Variants in WASF3 observed in about 807,000 individuals in gnomAD.
The protein encoded by WASF3 is actin-binding protein WASF3.
A neutral mutation model predicts 46.6 loss-of-function variants in WASF3; 11 were observed. That is an observed-to-expected ratio of 0.24 (90% CI 0.15 to 0.39). The LOEUF (loss-of-function observed/expected upper bound fraction) is 0.39. WASF3 is among the 10% of genes least tolerant of loss of function. The probability of loss-of-function intolerance (pLI) is 1.00; values close to 1 mark genes in which losing one functional copy is unlikely to be tolerated. For missense variants in WASF3, 576 were observed against 669.8 expected, an observed-to-expected ratio of 0.86 and a Z score of 1.55; for synonymous variants, 242 against 259.7, an observed-to-expected ratio of 0.93 and a Z score of 0.65.
intron 1 of WASF3, among the ~76,000 whole-genome samples, chr13:26,603,968 A>G (rs572420048): frequency 1.3e-5 from 2 of 152,206 alleles, no homozygotes; most frequent in African/African-American, 4.8e-5. Context: ...TGATACTCCT[A>G]GTGAGTTCTG....
At chr13:26,571,106 A>G (rs1035742008) in intron 1 of WASF3, among the ~76,000 whole-genome samples, 9 of 151,974 alleles carry the variant, frequency 5.9e-5, no homozygotes, top group East Asian at 3.8e-4. Context: ...AGAATTGTCT[A>G]TTGCCCTTTT....
upstream of WASF3, among the ~76,000 whole-genome samples, chr13:26,554,045 TTCC>T (rs1566032362): frequency 4.8e-3 from 239 of 49,348 alleles, 13 homozygotes; most frequent in African/African-American, 0.012. Context: ...CTTTCTTTCC[TTCC>T]TTCCTTCCTT....
At chr13:26,683,245 T>C (rs2650692) in intron 9 of WASF3, among the ~76,000 whole-genome samples, 1 of 151,864 alleles carries the variant, frequency 6.6e-6, no homozygotes, top group Non-Finnish European at 1.5e-5. Context: ...GCCAAGGCAG[T>C]TGGATTGCTT....
intron 2 of WASF3, among the ~76,000 whole-genome samples, chr13:26,635,117 G>C (rs1881778489): frequency 6.6e-6 from 1 of 152,158 alleles, no homozygotes; most frequent in South Asian, 2.1e-4. Context: ...GTTACTTTCA[G>C]GTACACCAGT....
chr13:26,546,055 G>C, the WASF3 span, among the ~76,000 whole-genome samples: 1 of 151,954 alleles, frequency 6.6e-6, no homozygotes, highest in South Asian at 2.1e-4. Flanking sequence ...TCACTCTTTT[G>C]CTTCTTTTCT....
In WASF3 at chr13:26,682,481, C is replaced by A; in HGVS notation, c.984-126C>A. On this transcript the variant is annotated intron_variant, in intron 8 of 9. Transcript: ENST00000335327. This position sits in a 1 kb window ranked among gnomAD's most constrained non-coding sequence, Gnocchi z 4.4. ...CCAAGGTGTGCATGTTTGCATCCTG[C>A]CATGATTGAAGTTCAGGTGACAATA... is the stretch of plus-strand genomic sequence containing the variant. 1.8e-6 allele frequency: 2 copies of A among 1,116,478 alleles called. No individual in the cohort carries two copies. Among genetic ancestry groups the A allele is most frequent in the South Asian group, 1.4e-5 (1 of 73,460 alleles). The allele number at this position is 1,116,478 out of a possible 1,614,324, so 69.2% of individuals were successfully genotyped here.
intron 1 of WASF3, among the ~76,000 whole-genome samples, chr13:26,563,792 T>C (rs1285226953): frequency 7.1e-6 from 1 of 141,082 alleles, no homozygotes; most frequent in African/African-American, 2.8e-5. Context: ...CTCTTCTGAC[T>C]TTTTTTTTTT....
chr13:26,672,686 G>C (rs1307361551), intron 6 of WASF3, among the ~76,000 whole-genome samples: 1 of 152,172 alleles, frequency 6.6e-6, no homozygotes, highest in Admixed American at 6.5e-5. Flanking sequence ...TATGTCAGCT[G>C]TATTTAAAAA....
intron 2 of WASF3, among the ~76,000 whole-genome samples, chr13:26,641,603 C>A (rs1881998898): frequency 6.6e-6 from 1 of 152,008 alleles, no homozygotes; most frequent in Non-Finnish European, 1.5e-5. Flanking sequence ...TGTGAGAAAA[C>A]AGGAATTAGG....
chr13:26,620,966 A>G (rs967727278), intron 2 of WASF3, among the ~76,000 whole-genome samples: 4 of 152,204 alleles, frequency 2.6e-5, no homozygotes, highest in Non-Finnish European at 5.9e-5. Flanking sequence ...GCTGTATAGC[A>G]AAAGCTAAGT....
chr13:26,680,323 G>A, intron 7 of WASF3: 2 of 1,198,504 alleles, frequency 1.7e-6, no homozygotes, highest in Non-Finnish European at 2.2e-6. Flanking sequence ...GCGTGTGACT[G>A]TCTTACTAAC....
Position 26,686,198 on chromosome 13 carries a change from TGGTGTTA to T in WASF3, c.*357_*363del, listed in dbSNP as rs1883400337. On this transcript the variant is annotated 3_prime_UTR_variant, in exon 10 of 10. Coordinates refer to ENST00000335327, the MANE Select transcript of WASF3 (RefSeq NM_006646.6). Reference sequence around the variant, plus strand: ...CTTGCTGTGTGTTTGTGAAGCTGCCTGGTGTTAGGTCTCTGCAAGACTAATGACTATG... The same window carrying T: ...CTTGCTGTGTGTTTGTGAAGCTGCCTGGTCTCTGCAAGACTAATGACTATG... The T allele has an allele frequency of 9.8e-6, 2 of 204,308 alleles. No homozygotes were observed. The highest frequency in any genetic ancestry group is 2.0e-5 in the Non-Finnish European group (2 of 99,280). The allele number at this position is 204,308 out of a possible 1,614,324, so 12.7% of individuals were successfully genotyped here. A position where few individuals can be genotyped will look rare whatever the true frequency, so the allele number is the denominator to read the frequency against.
rs143686087 is a variant in WASF3, at chr13:26,676,675, A to T, written c.667A>T (p.Ser223Cys). Residue 223 changes from serine (S) to cysteine (C), a missense_variant, in exon 7 of 10, where the codon AGT (serine) becomes TGT (cysteine). By Grantham distance (112) the Ser-to-Cys change is moderately radical (BLOSUM62 -1). Coordinates refer to ENST00000335327, the MANE Select transcript of WASF3 (RefSeq NM_006646.6). ...ELRPDNRLSQ[S>C]VYHGASSEGS... ...TAGACCCGACAACAGGTTGTCTCAG[A>T]GTGTGTACCATGGAGCGTCTTCCGA... 267 of 1,614,140 alleles carry T rather than the reference A, an allele frequency of 1.7e-4. No homozygotes were observed. In the African/African-American group the frequency reaches 3.2e-3, roughly 20 times the overall value.
chr13:26,567,669 T>C (rs1879506591), intron 1 of WASF3, among the ~76,000 whole-genome samples: 1 of 149,812 alleles, frequency 6.7e-6, no homozygotes, highest in South Asian at 2.1e-4. Flanking sequence ...GCTCACATTG[T>C]AGTAGGTGAG....
At position 26,624,328 on chromosome 13, in the gene WASF3, T is replaced by C. The variant is rs187442025; in HGVS notation, c.-11+11270T>C. 2.5e-4 allele frequency among the ~76,000 whole-genome samples: 38 copies of C among 152,222 alleles called. No homozygotes were observed. In the East Asian group the frequency reaches 6.4e-3, roughly 25 times the overall value. On this transcript the variant is annotated intron_variant, in intron 2 of 9. Coordinates refer to ENST00000335327, the MANE Select transcript of WASF3 (RefSeq NM_006646.6). Reference sequence around the variant, plus strand: ...AAATTGGGTTTATTAGCAAACTGGATGTAGCTGAGAAAATAATGAAAGCTA... The same window carrying C: ...AAATTGGGTTTATTAGCAAACTGGACGTAGCTGAGAAAATAATGAAAGCTA...
intron 2 of WASF3, chr13:26,639,872 G>C (rs1270471943): frequency 6.6e-6 from 1 of 152,622 alleles, no homozygotes; most frequent in African/African-American, 2.4e-5. Context: ...TGTGGTTTCT[G>C]TGGGAAGGAG....
chr13:26,606,321 CGTGTGTGTGTGTGTGTGTGT>C (rs60865367), intron 1 of WASF3, among the ~76,000 whole-genome samples: 90 of 132,054 alleles, frequency 6.8e-4, no homozygotes, highest in Middle Eastern at 7.6e-3. Flanking sequence ...TCTTTTTTTT[CGTGTGTGTGTGTGTGTGTGT>C]GTGTGTGTGT....
At chr13:26,569,668 C>A (rs1457231015) in intron 1 of WASF3, among the ~76,000 whole-genome samples, 1 of 152,068 alleles carries the variant, frequency 6.6e-6, no homozygotes, top group Admixed American at 6.6e-5. Context: ...TAGAAAGGAA[C>A]AGCATACTAA....
intron 1 of WASF3, among the ~76,000 whole-genome samples, chr13:26,606,031 G>A (rs1364370416): frequency 1.3e-5 from 2 of 152,184 alleles, no homozygotes; most frequent in Admixed American, 1.3e-4. Flanking sequence ...ACATGCCCCA[G>A]CTCTGGTGGG....
Sources: allele counts gnomAD v4.1 joint callset (sites outside exome capture counted in the v4.1 genomes callset), GRCh38; gene constraint gnomAD v4.1.1; non-coding constraint Gnocchi (gnomAD v3.1); transcripts MANE v1.5; gene names NCBI Gene and HGNC (gene_info 2026-07-23, HGNC 2026-07-21).